The following CACNB2 variants were observed in gnomAD, a reference collection of about 807,000 sequenced individuals.
CACNB2 encodes the protein voltage-dependent L-type calcium channel subunit beta-2.
Under a neutral mutation model 73.3 loss-of-function variants are expected in CACNB2, and 42 were observed. The ratio of observed to expected loss-of-function variants is 0.57; its 90% CI spans 0.45 to 0.74. CACNB2 has a LOEUF of 0.74. Ranked by LOEUF, CACNB2 falls within the 30% of genes least tolerant of loss-of-function variation. The pLI, the probability that CACNB2 is intolerant of heterozygous loss-of-function variation, is 0.00. For synonymous variants in CACNB2, 348 were observed against 310.3 expected, an observed-to-expected ratio of 1.12 and a Z score of -1.28; for missense variants, 940 against 853.0, an observed-to-expected ratio of 1.10 and a Z score of -1.27.
chr10:18,259,851 A>ACC (rs1487761245), intron 2 of CACNB2, among the ~76,000 whole-genome samples: 18 of 152,158 alleles, frequency 1.2e-4, no homozygotes, highest in Non-Finnish European at 1.5e-5. Context: ...TCAAGGCTGC[A>ACC]GTGAGCCATG....
chr10:18,529,854 TCA>T (rs1439631501), intron 10 of CACNB2, among the ~76,000 whole-genome samples: 1 of 152,140 alleles, frequency 6.6e-6, no homozygotes, highest in African/African-American at 2.4e-5. Flanking sequence ...CATTTGACGC[TCA>T]CAAGAATTAC....
rs1194631279 is a variant in CACNB2, at chr10:18,298,588, C to A, written c.214-103336C>A. 3.3e-5 allele frequency among the ~76,000 whole-genome samples: 5 copies of A among 152,112 alleles called. No individual in the cohort carries two copies. In the East Asian group the frequency reaches 9.6e-4, roughly 29 times the overall value. On this transcript the variant is annotated intron_variant, in intron 2 of 13. Transcript: ENST00000324631. The stretch of plus-strand genomic sequence containing the variant: ...TGTGCAATGTGTTACCAACTCATAG[C>A]CAGTTCCAAGAGATCTGGGTCTATA...
At chr10:18,432,642 T>C in intron 3 of CACNB2, among the ~76,000 whole-genome samples, 1 of 152,186 alleles carries the variant, frequency 6.6e-6, no homozygotes, top group East Asian at 1.9e-4. Flanking sequence ...CAGACCAGCC[T>C]GGGCAACATG....
intron 2 of CACNB2, among the ~76,000 whole-genome samples, chr10:18,235,107 C>G (rs2036385272): frequency 6.7e-6 from 1 of 148,394 alleles, no homozygotes; most frequent in Non-Finnish European, 1.5e-5. Flanking sequence ...CACGCCACTG[C>G]ACTCCAGCCT....
intron 6 of CACNB2, chr10:18,513,460 G>A: frequency 4.0e-6 from 1 of 247,400 alleles, no homozygotes; most frequent in Non-Finnish European, 8.1e-6. Context: ...CCAATGGTCA[G>A]CCACTATGCT....
At chr10:18,393,872 G>T (rs1331099829) in intron 2 of CACNB2, among the ~76,000 whole-genome samples, 4 of 152,170 alleles carry the variant, frequency 2.6e-5, no homozygotes, top group Non-Finnish European at 5.9e-5. Context: ...CCACAAAACA[G>T]CATTCTATTA....
Position 18,540,036 on chromosome 10 carries a change from A to C in CACNB2, c.*312A>C. On this transcript the variant is annotated 3_prime_UTR_variant, in exon 14 of 14. Coordinates refer to ENST00000324631, the MANE Select transcript of CACNB2 (RefSeq NM_201596.3). ...GCCACCCAGGTGATGTTAGTGTTTT[A>C]AGAAATGTAGTTGATGTATCCAACA... 9.9e-6 allele frequency: 3 copies of C among 302,884 alleles called. No individual in the cohort carries two copies. The South Asian group carries it at 1.2e-4, about 12-fold the overall frequency. The allele number at this position is 302,884 out of a possible 1,614,324, so 18.8% of individuals were successfully genotyped here.
At chr10:18,373,093 G>T (rs950891788) in intron 2 of CACNB2, among the ~76,000 whole-genome samples, 1 of 152,080 alleles carries the variant, frequency 6.6e-6, no homozygotes, top group Non-Finnish European at 1.5e-5. Flanking sequence ...TAGGATTACA[G>T]GTGTGAGCCA....
At chr10:18,495,545 C>A (rs1011065098) in intron 3 of CACNB2, among the ~76,000 whole-genome samples, 2 of 124,620 alleles carry the variant, frequency 1.6e-5, no homozygotes, top group African/African-American at 6.6e-5. Context: ...AGTATAAAAA[C>A]TGTGTGTGTG....
chr10:18,370,588 T>C (rs10828598), intron 2 of CACNB2, among the ~76,000 whole-genome samples: 83,838 of 152,050 alleles, frequency 0.55, 23,675 homozygotes, highest in East Asian at 0.91. Flanking sequence ...GCATGAGCCA[T>C]TGCACCTGGC....
At chr10:18,538,128 G>C (rs1054166004) in intron 12 of CACNB2, 52 bp from the exon 13 acceptor site, 28 of 1,573,430 alleles carry the variant, frequency 1.8e-5, no homozygotes, top group South Asian at 2.2e-5. Flanking sequence ...AGGTGGGAAG[G>C]GGGTGAAAAC....
At chr10:18,459,329 C>T (rs1485796074) in intron 3 of CACNB2, among the ~76,000 whole-genome samples, 2 of 152,180 alleles carry the variant, frequency 1.3e-5, no homozygotes, top group Admixed American at 6.5e-5. Context: ...ATATCACTAT[C>T]CTTTGGAACA....
chr10:18,342,300 G>C (rs2132077830), intron 2 of CACNB2, among the ~76,000 whole-genome samples: 1 of 152,256 alleles, frequency 6.6e-6, no homozygotes, highest in African/African-American at 2.4e-5. Context: ...TTATGTCACA[G>C]TTATTTAATA....
intron 13 of CACNB2, 66 bp downstream of exon 13, chr10:18,538,431 C>G: frequency 1.4e-6 from 2 of 1,435,582 alleles, no homozygotes; most frequent in Non-Finnish European, 2.0e-6. Flanking sequence ...CCTATGGTGA[C>G]ACCTCTAGGA....
intron 2 of CACNB2, among the ~76,000 whole-genome samples, chr10:18,368,891 CTATT>C (rs1373096415): frequency 6.6e-6 from 1 of 151,724 alleles, no homozygotes; most frequent in African/African-American, 2.4e-5. Flanking sequence ...ATGAGTCACT[CTATT>C]TAAAAAAAAA....
intron 10 of CACNB2, among the ~76,000 whole-genome samples, chr10:18,533,787 C>A (rs1453154542): frequency 3.3e-5 from 5 of 152,176 alleles, no homozygotes; most frequent in African/African-American, 1.2e-4. Flanking sequence ...TCATAGACTG[C>A]AAGCACAAAG....
At chr10:18,398,812 G>T (rs995157701) in intron 2 of CACNB2, among the ~76,000 whole-genome samples, 2 of 151,854 alleles carry the variant, frequency 1.3e-5, no homozygotes, top group African/African-American at 4.8e-5. Context: ...AAGATCAATT[G>T]GTAGTCACAT....
chr10:18,252,573 G>T (rs1306083931), intron 2 of CACNB2, among the ~76,000 whole-genome samples: 2 of 151,944 alleles, frequency 1.3e-5, no homozygotes, highest in Non-Finnish European at 2.9e-5. Flanking sequence ...TTATTTAAGT[G>T]TCCTTTTAAA....
At chr10:18,246,406 A>T (rs1213263611) in intron 2 of CACNB2, among the ~76,000 whole-genome samples, 1 of 149,562 alleles carries the variant, frequency 6.7e-6, no homozygotes, top group Non-Finnish European at 1.5e-5. Context: ...TCTTTCTTTT[A>T]AAAAAAAACA....
Sources: allele counts gnomAD v4.1 joint callset (sites outside exome capture counted in the v4.1 genomes callset), GRCh38; gene constraint gnomAD v4.1.1; transcripts MANE v1.5; gene names NCBI Gene and HGNC (gene_info 2026-07-23, HGNC 2026-07-21).